ZNF804B: variants seen among roughly 807,000 people sequenced by gnomAD.
ZNF804B encodes the protein zinc finger protein 804B.
A neutral mutation model predicts 101.4 loss-of-function variants in ZNF804B; 80 were observed. The ratio of observed to expected loss-of-function variants is 0.79; its 90% CI spans 0.66 to 0.95. The LOEUF (loss-of-function observed/expected upper bound fraction) is 0.95, where lower values mean the gene tolerates loss of function less well. ZNF804B is among the 40% of genes least tolerant of loss of function. ZNF804B has a pLI of 0.00. For missense variants in ZNF804B, 1,673 were observed against 1,561.9 expected, an observed-to-expected ratio of 1.07 and a Z score of -1.20; for synonymous variants, 622 against 558.8, an observed-to-expected ratio of 1.11 and a Z score of -1.59.
intron 1 of ZNF804B, among the ~76,000 whole-genome samples, chr7:88,866,260 A>T (rs1230943948): frequency 6.6e-6 from 1 of 152,236 alleles, no homozygotes; most frequent in Non-Finnish European, 1.5e-5. Flanking sequence ...TCTGTGATAG[A>T]GTCTTCAAGA....
chr7:89,224,712 A>ATGTGTG (rs56064065), intron 2 of ZNF804B, among the ~76,000 whole-genome samples: 195 of 144,136 alleles, frequency 1.4e-3, no homozygotes, highest in Middle Eastern at 3.4e-3. Flanking sequence ...CTGGCAAAGT[A>ATGTGTG]TGTGTGTGTG....
intron 1 of ZNF804B, among the ~76,000 whole-genome samples, chr7:88,963,837 C>G (rs1222407872): frequency 6.6e-6 from 1 of 150,816 alleles, no homozygotes; most frequent in Non-Finnish European, 1.5e-5. Context: ...AACAAATAAA[C>G]AAAAAAGTAA....
At chr7:88,921,571 C>T (rs184140417) in intron 1 of ZNF804B, among the ~76,000 whole-genome samples, 68 of 152,158 alleles carry the variant, frequency 4.5e-4, no homozygotes, top group Middle Eastern at 3.4e-3. Context: ...TAGAAGAAAT[C>T]CAGAAATCCT....
intron 1 of ZNF804B, among the ~76,000 whole-genome samples, chr7:88,868,048 A>AGT (rs34267852): frequency 0.12 from 17,722 of 142,650 alleles, 1,034 homozygotes; most frequent in Non-Finnish European, 0.15. Flanking sequence ...TGTGTGTGTG[A>AGT]GTGTGTGTGT....
rs1246962400 is a variant in ZNF804B, at chr7:89,193,567, G to GT, written c.109-24582dup. ...TATGAGTGATAACATGTTGTGTTTGGTTTTTTGTCCTTGTGATAGTTTGCT... is the reference window on the plus strand; with the variant it reads ...TATGAGTGATAACATGTTGTGTTTGGTTTTTTTGTCCTTGTGATAGTTTGCT... On this transcript the variant is annotated intron_variant, in intron 1 of 3. Transcript: ENST00000333190. 2.0e-5 allele frequency among the ~76,000 whole-genome samples: 3 copies of GT among 149,024 alleles called. No homozygotes were observed. The South Asian group carries it at 6.4e-4, about 32-fold the overall frequency.
chr7:88,970,773 A>G (rs919388169), intron 1 of ZNF804B, among the ~76,000 whole-genome samples: 2 of 135,830 alleles, frequency 1.5e-5, no homozygotes, highest in Non-Finnish European at 3.1e-5. Context: ...AACAATGAGA[A>G]CACAAGGACA....
chr7:89,175,770 T>G (rs1268016534), intron 1 of ZNF804B, among the ~76,000 whole-genome samples: 1 of 152,098 alleles, frequency 6.6e-6, no homozygotes. Context: ...ATTTTTATTG[T>G]AGCAATCTTT....
intron 2 of ZNF804B, among the ~76,000 whole-genome samples, chr7:89,268,961 T>G (rs1789841740): frequency 6.6e-6 from 1 of 152,116 alleles, no homozygotes; most frequent in Admixed American, 6.6e-5. Context: ...AATCCAAATG[T>G]TTTGTCAACA....
intron 1 of ZNF804B, among the ~76,000 whole-genome samples, chr7:89,060,934 A>G (rs1246807890): frequency 1.3e-5 from 2 of 152,156 alleles, no homozygotes; most frequent in Non-Finnish European, 2.9e-5. Flanking sequence ...TGGAGTGGTG[A>G]CACAATAAAG....
chr7:89,047,893 CT>C (rs10569115), intron 1 of ZNF804B, among the ~76,000 whole-genome samples: 46,542 of 150,432 alleles, frequency 0.31, 7,388 homozygotes, highest in East Asian at 0.51. Context: ...TGGCTAAATC[CT>C]TTTTTTTTTT....
chr7:89,274,365 G>A (rs971807594), intron 2 of ZNF804B, among the ~76,000 whole-genome samples: 5 of 107,810 alleles, frequency 4.6e-5, no homozygotes, highest in Non-Finnish European at 8.7e-5. Flanking sequence ...CTGTGTCCAT[G>A]CGATCTCATT....
chr7:88,928,297 T>C (rs957284924), intron 1 of ZNF804B, among the ~76,000 whole-genome samples: 1 of 152,198 alleles, frequency 6.6e-6, no homozygotes, highest in Non-Finnish European at 1.5e-5. Context: ...CCTGTGTGTT[T>C]CTCTTGCTTC....
At chr7:88,889,762 C>A (rs1237399837) in intron 1 of ZNF804B, among the ~76,000 whole-genome samples, 2 of 152,128 alleles carry the variant, frequency 1.3e-5, no homozygotes, top group Non-Finnish European at 2.9e-5. Flanking sequence ...TTTTGCTGTG[C>A]AGAAGTTTTT....
intron 1 of ZNF804B, among the ~76,000 whole-genome samples, chr7:89,150,815 G>A (rs550471649): frequency 6.6e-6 from 1 of 152,204 alleles, no homozygotes; most frequent in Admixed American, 6.6e-5. Context: ...GGCTTTCTAA[G>A]AGGCCAGTCC....
At chr7:89,167,475 C>A (rs1346000209) in intron 1 of ZNF804B, among the ~76,000 whole-genome samples, 1 of 107,722 alleles carries the variant, frequency 9.3e-6, no homozygotes, top group East Asian at 2.3e-4. Context: ...ATAAATAATC[C>A]CTGTATAAGT....
chr7:89,292,201 T>C (rs1268939751), intron 2 of ZNF804B, among the ~76,000 whole-genome samples: 1 of 152,100 alleles, frequency 6.6e-6, no homozygotes, highest in African/African-American at 2.4e-5. Context: ...TAAGAAATCA[T>C]GTGAAGGTAT....
chr7:89,048,070 A>G (rs137884942), intron 1 of ZNF804B, among the ~76,000 whole-genome samples: 10 of 152,056 alleles, frequency 6.6e-5, no homozygotes, highest in African/African-American at 2.2e-4. Context: ...ACTGCACACT[A>G]TTCGTAGTCT....
At chr7:88,899,388 A>G (rs1024973615) in intron 1 of ZNF804B, among the ~76,000 whole-genome samples, 1 of 152,172 alleles carries the variant, frequency 6.6e-6, no homozygotes. Flanking sequence ...CCAAATATGG[A>G]CAATAAATAG....
chr7:88,870,658 G>A (rs1447894939), intron 1 of ZNF804B, among the ~76,000 whole-genome samples: 3 of 152,042 alleles, frequency 2.0e-5, no homozygotes, highest in Non-Finnish European at 4.4e-5. Flanking sequence ...TTAGCTGTCT[G>A]GGCCTTATAG....
Sources: gnomAD v4.1 joint callset for allele counts (sites outside exome capture counted in the v4.1 genomes callset) on GRCh38, gnomAD v4.1.1 for gene constraint, MANE v1.5 for transcripts, NCBI Gene and HGNC (gene_info 2026-07-23, HGNC 2026-07-21) for gene names.